ZDBF2: variants seen among roughly 807,000 people sequenced by gnomAD.
ZDBF2 encodes the protein zinc finger DBF-type containing 2.
A neutral mutation model predicts 9.4 loss-of-function variants in ZDBF2; 6 were observed. The ratio of observed to expected loss-of-function variants is 0.64; its 90% CI spans 0.35 to 1.27. The LOEUF is 1.27. Among genes scored for constraint, ZDBF2 ranks in the 50% most tolerant of loss-of-function variants. The pLI is 0.03. For synonymous variants in ZDBF2, 905 were observed against 946.3 expected (o/e 0.96, Z 0.80); for missense variants, 2,697 against 2,766.8 (o/e 0.97, Z 0.57).
rs748484091 is a variant in ZDBF2 at position 206,309,656 on chromosome 2, G to C, written c.5128G>C (p.Val1710Leu). 6.2e-7 allele frequency: 1 copy of C among 1,613,946 alleles called. No individual in the cohort carries two copies. Among genetic ancestry groups the C allele is most frequent in the South Asian group, 1.1e-5 (1 of 91,080 alleles). ...GAGCTGTCAGTCTAGTGCTTCTGCAGTGGATTTTGGTGCCTCTTCCAAGTC... is the reference window on the plus strand; with the variant it reads ...GAGCTGTCAGTCTAGTGCTTCTGCACTGGATTTTGGTGCCTCTTCCAAGTC... ...GKSCQSSASA[V>L]DFGASSKSAL... The change falls in exon 5 of 5, where the codon GTG becomes CTG. Residue 1710 changes from valine to leucine, a missense_variant. By Grantham distance (32) the Val-to-Leu change is conservative. This residue lies in a region of ZDBF2 where 1,783 missense variants were observed against 1,776.5 expected (regional missense o/e 1.00). Coordinates refer to ENST00000374423, the MANE Select transcript of ZDBF2 (RefSeq NM_020923.3).
At chr2:206,297,154 T>C in intron 3 of ZDBF2, 92 bp from the exon 4 acceptor site, 1 of 535,264 alleles carries the variant, frequency 1.9e-6, no homozygotes. Flanking sequence ...ATTCATAATT[T>C]TACCAAGAGT....
At position 206,309,177 on chromosome 2, in the gene ZDBF2, C is replaced by A. The variant is rs372411440; in HGVS notation, c.4649C>A (p.Thr1550Asn). Residue 1550 changes from threonine (T) to asparagine (N), a missense_variant, in exon 5 of 5, where the codon ACT becomes AAT. Transcript: ENST00000374423. ...ISDDIPLQLV[T>N]DPPQLTVKDI... is the part of the protein sequence containing the mutation. ...GATGATATTCCCCTTCAGTTAGTGA[C>A]TGACCCACCTCAGTTGACTGTCAAA... The A allele has an allele frequency of 1.4e-5, 23 of 1,610,184 alleles. No individual in the cohort carries two copies. The highest frequency in any genetic ancestry group is 1.7e-5 in the Non-Finnish European group (20 of 1,177,896).
At chr2:206,294,080 A>C (rs1692039936) in intron 3 of ZDBF2, among the ~76,000 whole-genome samples, 1 of 152,236 alleles carries the variant, frequency 6.6e-6, no homozygotes, top group African/African-American at 2.4e-5. Context: ...AGATTCAGCC[A>C]ATATGTATGA....
At chr2:206,302,892 T>A (rs893225550) in intron 4 of ZDBF2, among the ~76,000 whole-genome samples, 2 of 152,078 alleles carry the variant, frequency 1.3e-5, no homozygotes, top group African/African-American at 4.8e-5. Flanking sequence ...AATTTTTAGG[T>A]GTTTATTTTT....
At chr2:206,300,258 G>A in intron 4 of ZDBF2, among the ~76,000 whole-genome samples, 1 of 152,154 alleles carries the variant, frequency 6.6e-6, no homozygotes, top group East Asian at 1.9e-4. Flanking sequence ...AAATTTTGTT[G>A]GTTGTCTTAA....
Position 206,297,357 on chromosome 2 carries a change from C to CA in ZDBF2, c.173dup (p.His58GlnfsTer11). 1.2e-6 allele frequency: 2 copies of CA among 1,612,798 alleles called. No individual in the cohort carries two copies. Among genetic ancestry groups the CA allele is most frequent in the African/African-American group, 1.3e-5 (1 of 74,972 alleles). On this transcript the variant is annotated frameshift_variant, in exon 4 of 5. Transcript: ENST00000374423. LOFTEE classifies it low-confidence loss of function (END_TRUNC). The stretch of plus-strand genomic sequence containing the variant: ...GGATGTACTGCAGCACCACCCATAT[C>CA]ATTGTCAAGAGAGCAGGTAAAGTAG...
In ZDBF2 at chr2:206,305,900, C is replaced by T; in HGVS notation, c.1372C>T (p.Leu458Phe). Residue 458 changes from leucine to phenylalanine, a missense_variant, in exon 5 of 5, where the codon CTT becomes TTT. Around this residue, in one of 3 missense-constraint regions of ZDBF2, gnomAD observed 910 missense variants for 973.6 expected, o/e 0.93. Coordinates refer to ENST00000374423, the MANE Select transcript of ZDBF2 (RefSeq NM_020923.3). ...AATAAGTTCTGATTGTGATGACATT[C>T]TTCACTTGGTTACCAACCAATCCCA... ...SKISSDCDDI[L>F]HLVTNQSQMI... The T allele has an allele frequency of 6.2e-7, 1 of 1,613,314 alleles. No individual in the cohort carries two copies. Among genetic ancestry groups the T allele is most frequent in the Non-Finnish European group, 8.5e-7 (1 of 1,179,644 alleles).
intron 4 of ZDBF2, among the ~76,000 whole-genome samples, chr2:206,303,746 G>A (rs1337109488): frequency 3.9e-5 from 6 of 152,104 alleles, no homozygotes; most frequent in Non-Finnish European, 7.4e-5. Context: ...TTCTACAGTT[G>A]TATGTGCCAT....
At chr2:206,280,123 A>G (rs1691237342) in intron 2 of ZDBF2, among the ~76,000 whole-genome samples, 1 of 152,182 alleles carries the variant, frequency 6.6e-6, no homozygotes, top group African/African-American at 2.4e-5. Context: ...CATTTTAAAT[A>G]TGCTTTATAA....
chr2:206,275,782 G>T (rs375488819), intron 1 of ZDBF2, among the ~76,000 whole-genome samples: 2 of 152,160 alleles, frequency 1.3e-5, no homozygotes, highest in African/African-American at 4.8e-5. Flanking sequence ...AATTTGGGGG[G>T]TATCTTTCCT....
At position 206,310,724 on chromosome 2, in the gene ZDBF2, C is replaced by A. The variant is rs780687918; in HGVS notation, c.6196C>A (p.Leu2066Met). The change falls in exon 5 of 5, where the codon CTG becomes ATG. Residue 2066 changes from leucine to methionine, a missense_variant. Physicochemically the swap from Leu to Met is conservative, Grantham distance 15. Coordinates refer to ENST00000374423, the MANE Select transcript of ZDBF2 (RefSeq NM_020923.3). ...TAAGCAAATTGTAATTAGTCCTCCC[C>A]TGAGTGTAATAGTACCAGAGTTTGA... ...LIKQIVISPPLSVIVPEFERR... is the reference protein window; with the variant it reads ...LIKQIVISPPMSVIVPEFERR... 1 of 1,613,638 alleles carries A rather than the reference C, an allele frequency of 6.2e-7. No individual in the cohort carries two copies. Among genetic ancestry groups the A allele is most frequent in the Middle Eastern group, 1.6e-4 (1 of 6,062 alleles).
rs1283716524 is a variant in ZDBF2 at position 206,308,699 on chromosome 2, T to C, written c.4171T>C (p.Trp1391Arg). 1.2e-6 allele frequency: 2 copies of C among 1,612,532 alleles called. No homozygotes were observed. The highest frequency in any genetic ancestry group is 1.7e-6 in the Non-Finnish European group (2 of 1,179,772). ...LQKPVKEINL[W>R]KEDHIYLEDK... Reference sequence around the variant, plus strand: ...AAAACCTGTCAAAGAAATAAATCTTTGGAAGGAAGACCATATTTACCTGGA... The same window carrying C: ...AAAACCTGTCAAAGAAATAAATCTTCGGAAGGAAGACCATATTTACCTGGA... The change falls in exon 5 of 5, where the codon TGG becomes CGG. Residue 1391 changes from tryptophan (W) to arginine (R), a missense_variant. This residue lies in a region of ZDBF2 where 1,783 missense variants were observed against 1,776.5 expected (regional missense o/e 1.00). Transcript: ENST00000374423.
chr2:206,311,467 T>C lies in ZDBF2; in HGVS notation c.6939T>C (p.His2313=), dbSNP rs755860057. 15 of 1,612,340 alleles carry C rather than the reference T, an allele frequency of 9.3e-6. No homozygotes were observed. Among genetic ancestry groups the C allele is most frequent in the East Asian group, 2.2e-5 (1 of 44,876 alleles). ...RRRKKTDESY[H]GRQKGPSTPV... is the part of the protein sequence containing the mutation. ...GGAAGAAGACTGATGAAAGCTACCATGGCCGACAGAAAGGTCCTTCTACAC... is the reference window on the plus strand; with the variant it reads ...GGAAGAAGACTGATGAAAGCTACCACGGCCGACAGAAAGGTCCTTCTACAC... The change falls in exon 5 of 5, where the codon CAT becomes CAC. Residue 2313 remains histidine, a synonymous_variant. Transcript: ENST00000374423.
intron 3 of ZDBF2, among the ~76,000 whole-genome samples, chr2:206,283,348 C>T (rs149751026): frequency 2.9e-4 from 44 of 152,106 alleles, no homozygotes; most frequent in African/African-American, 9.6e-4. Flanking sequence ...TCCAGTTTCT[C>T]CACGTTCTTG....
rs758099824 is a variant in ZDBF2, at chr2:206,304,702, C to T, written c.189-15C>T. The T allele has an allele frequency of 3.8e-6, 6 of 1,583,382 alleles. No homozygotes were observed. Among genetic ancestry groups the T allele is most frequent in the Admixed American group, 3.7e-5 (2 of 54,124 alleles). ...CATTAGAATATGTTTATGAGTTTCCCCCCTTTCGTTTTAGTTCAACACAAG... is the reference window on the plus strand; with the variant it reads ...CATTAGAATATGTTTATGAGTTTCCTCCCTTTCGTTTTAGTTCAACACAAG... On this transcript the variant is annotated splice_polypyrimidine_tract_variant and intron_variant, in intron 4 of 4. Transcript: ENST00000374423.
chr2:206,296,827 G>A (rs962199394), intron 3 of ZDBF2, among the ~76,000 whole-genome samples: 14 of 151,582 alleles, frequency 9.2e-5, no homozygotes, highest in African/African-American at 4.9e-5. Flanking sequence ...TAGACCACTC[G>A]GCCACACTAC....
intron 3 of ZDBF2, among the ~76,000 whole-genome samples, chr2:206,296,704 T>G (rs998662794): frequency 2.6e-5 from 4 of 152,180 alleles, no homozygotes; most frequent in Non-Finnish European, 5.9e-5. Flanking sequence ...GTTTTTGCAT[T>G]CCTCATTTTT....
rs774750057 is a variant in ZDBF2, at chr2:206,305,164, T to C, written c.636T>C (p.His212=). 3 of 1,613,862 alleles carry C rather than the reference T, an allele frequency of 1.9e-6. No individual in the cohort carries two copies. In the South Asian group the frequency reaches 3.3e-5, roughly 18 times the overall value. ...ANTTSLPPAA[H]LDSVSKCDPN... The stretch of plus-strand genomic sequence containing the variant: ...CAACTAGTTTACCACCAGCAGCTCA[T>C]TTGGATTCAGTTAGCAAATGTGACC... Residue 212 remains histidine, a synonymous_variant, in exon 5 of 5, where the codon CAT becomes CAC. Transcript: ENST00000374423.
Position 206,309,824 on chromosome 2 carries a change from A to T in ZDBF2, c.5296A>T (p.Thr1766Ser), listed in dbSNP as rs755085984. The T allele has an allele frequency of 4.3e-6, 7 of 1,613,782 alleles. No homozygotes were observed. Among genetic ancestry groups the T allele is most frequent in the Non-Finnish European group, 5.9e-6 (7 of 1,179,844 alleles). Reference protein sequence around the residue: ...LPSDTDQPQETVKKRHPCKKV... With the variant: ...LPSDTDQPQESVKKRHPCKKV... ...ATCTGATACTGATCAGCCTCAAGAA[A>T]CTGTTAAGAAAAGACACCCTTGTAA... Residue 1766 changes from threonine (T) to serine (S), a missense_variant, in exon 5 of 5, where the codon ACT becomes TCT. By Grantham distance (58) the Thr-to-Ser change is moderately conservative. Transcript: ENST00000374423.
Sources: gnomAD v4.1 joint callset for allele counts (sites outside exome capture counted in the v4.1 genomes callset) on GRCh38, gnomAD v4.1.1 for gene constraint, gnomAD v4.1.1 regional missense constraint, MANE v1.5 for transcripts, NCBI Gene and HGNC (gene_info 2026-07-23, HGNC 2026-07-21) for gene names.